The following CLNK variants were observed in gnomAD, a reference collection of about 807,000 sequenced individuals.
CLNK encodes cytokine-dependent hematopoietic cell linker.
In CLNK, 74 loss-of-function variants were observed where a neutral mutation model predicts 68.6. The observed-to-expected ratio is 1.08, with a 90% CI of 0.89 to 1.31. The LOEUF (loss-of-function observed/expected upper bound fraction) is 1.31, where lower values mean the gene tolerates loss of function less well. Ranked by LOEUF, CLNK falls within the 50% of genes most tolerant of loss-of-function variation. The pLI, the probability that CLNK is intolerant of heterozygous loss-of-function variation, is 0.00. For synonymous variants in CLNK, 198 were observed against 172.2 expected (o/e 1.15, Z -1.17); for missense variants, 553 against 515.3 (o/e 1.07, Z -0.71).
At chr4:10,607,543 T>C (rs899571554) in intron 2 of CLNK, among the ~76,000 whole-genome samples, 2 of 152,272 alleles carry the variant, frequency 1.3e-5, no homozygotes, top group African/African-American at 4.8e-5. Context: ...TGCCTTTGCA[T>C]GCCAGGAAAC....
chr4:10,509,819 C>T (rs764714986), intron 16 of CLNK, among the ~76,000 whole-genome samples: 2 of 152,140 alleles, frequency 1.3e-5, no homozygotes, highest in Admixed American at 1.3e-4. Context: ...AGTCACTGCA[C>T]CTGGCCAAAA....
chr4:10,681,772 G>T (rs1387894457), intron 1 of CLNK, among the ~76,000 whole-genome samples: 1 of 152,200 alleles, frequency 6.6e-6, no homozygotes, highest in African/African-American at 2.4e-5. Context: ...GGAGCACCAT[G>T]CCGAGAGCAG....
At chr4:10,716,001 T>C in the CLNK span, among the ~76,000 whole-genome samples, 3 of 152,212 alleles carry the variant, frequency 2.0e-5, no homozygotes, top group African/African-American at 7.2e-5. Flanking sequence ...CTCCGCTGTT[T>C]GAGAAGGTAG....
At chr4:10,668,245 C>T (rs1371923021) in intron 1 of CLNK, among the ~76,000 whole-genome samples, 1 of 152,186 alleles carries the variant, frequency 6.6e-6, no homozygotes, top group Non-Finnish European at 1.5e-5. Flanking sequence ...TTGGCTGGCT[C>T]TCCTCTGAGC....
chr4:10,732,897 G>T, the CLNK span, among the ~76,000 whole-genome samples: 2 of 152,106 alleles, frequency 1.3e-5, no homozygotes, highest in Non-Finnish European at 2.9e-5. Flanking sequence ...ATCCTAAAGA[G>T]AATAATATGA....
At chr4:10,525,355 G>T (rs771979905) in intron 14 of CLNK, among the ~76,000 whole-genome samples, 1 of 152,080 alleles carries the variant, frequency 6.6e-6, no homozygotes, top group Non-Finnish European at 1.5e-5. Flanking sequence ...GTGAGCCACC[G>T]CGCCCGGCCA....
chr4:10,710,600 T>C, the CLNK span, among the ~76,000 whole-genome samples: 2 of 152,218 alleles, frequency 1.3e-5, no homozygotes, highest in Non-Finnish European at 1.5e-5. Flanking sequence ...TGCCCCCATT[T>C]GACAGTGGAA....
At chr4:10,524,213 G>T (rs1718207729) in intron 14 of CLNK, among the ~76,000 whole-genome samples, 1 of 152,042 alleles carries the variant, frequency 6.6e-6, no homozygotes, top group Non-Finnish European at 1.5e-5. Context: ...ACATGTCCTA[G>T]TACCCACAGG....
the CLNK span, among the ~76,000 whole-genome samples, chr4:10,714,913 T>G: frequency 1.3e-5 from 2 of 152,174 alleles, no homozygotes; most frequent in South Asian, 2.1e-4. Flanking sequence ...TTTCTTTTTT[T>G]ATTCAGCATT....
At chr4:10,610,324 G>T (rs1486288538) in intron 2 of CLNK, among the ~76,000 whole-genome samples, 1 of 149,770 alleles carries the variant, frequency 6.7e-6, no homozygotes, top group African/African-American at 2.4e-5. Context: ...GATTACAGGC[G>T]TGAGCCACCG....
In CLNK at chr4:10,488,971, G is replaced by GT. The variant is rs1368309079; in HGVS notation, c.*1495dup. 6.6e-6 allele frequency: 1 copy of GT among 151,984 alleles called. No homozygotes were observed. The highest frequency in any genetic ancestry group is 1.9e-4 in the East Asian group (1 of 5,196). 9.4% of individuals were successfully genotyped at this position (151,984 alleles called of 1,614,324 possible). A position where few individuals can be genotyped will look rare whatever the true frequency, so the allele number is the denominator to read the frequency against. On this transcript the variant is annotated 3_prime_UTR_variant, in exon 19 of 19. Coordinates refer to ENST00000226951, the MANE Select transcript of CLNK (RefSeq NM_052964.4). ...TACTGTTATTTTCGACAGACAGTATGTTTTTTAAAAAAGCTTATTCCCACT... is the reference window on the plus strand; with the variant it reads ...TACTGTTATTTTCGACAGACAGTATGTTTTTTTAAAAAAGCTTATTCCCACT...
intron 2 of CLNK, among the ~76,000 whole-genome samples, chr4:10,632,106 G>A (rs890863378): frequency 2.0e-5 from 3 of 152,142 alleles, no homozygotes; most frequent in South Asian, 2.1e-4. Context: ...TATCCAAAAC[G>A]TAACTCTTAA....
At chr4:10,593,826 T>A (rs1721281557) in intron 3 of CLNK, among the ~76,000 whole-genome samples, 1 of 152,138 alleles carries the variant, frequency 6.6e-6, no homozygotes, top group Non-Finnish European at 1.5e-5. Context: ...CCATAGCCAA[T>A]GAGGTGACGA....
intron 2 of CLNK, among the ~76,000 whole-genome samples, chr4:10,614,667 G>A (rs1722158314): frequency 6.6e-6 from 1 of 152,232 alleles, no homozygotes; most frequent in African/African-American, 2.4e-5. Context: ...CACGGAATCT[G>A]TGTGCACATT....
chr4:10,558,549 G>C (rs945611209), intron 7 of CLNK, 97 bp from the exon 8 acceptor site: 80 of 1,150,706 alleles, frequency 7.0e-5, no homozygotes, highest in Non-Finnish European at 1.0e-4. Context: ...CAAGGATAAA[G>C]CCGTAAGTCC....
Position 10,563,919 on chromosome 4 carries a change from G to T in CLNK, c.399+752C>A, listed in dbSNP as rs140412342. 3.2e-3 allele frequency among the ~76,000 whole-genome samples: 476 copies of T among 148,470 alleles called. 4 individuals carry two copies. The highest frequency in any genetic ancestry group is 0.012 in the African/African-American group (450 of 38,136). ...AAAACTCCATCTCAAAAAAAGAAAA[G>T]AAAAGAAAAGAAAATACTGATAATG... is the stretch of plus-strand genomic sequence containing the variant. On this transcript the variant is annotated intron_variant, in intron 7 of 18. Coordinates refer to ENST00000226951, the MANE Select transcript of CLNK (RefSeq NM_052964.4).
the CLNK span, among the ~76,000 whole-genome samples, chr4:10,711,068 G>C: frequency 2.3e-4 from 35 of 152,298 alleles, no homozygotes; most frequent in African/African-American, 7.7e-4. Flanking sequence ...AAGGTGTGGT[G>C]GTTCCAGCTT....
intron 8 of CLNK, among the ~76,000 whole-genome samples, chr4:10,551,851 T>A (rs940345844): frequency 1.5e-3 from 223 of 149,934 alleles, no homozygotes; most frequent in African/African-American, 4.2e-3. Flanking sequence ...AATTGTAATT[T>A]TTTTTTTTTT....
intron 2 of CLNK, among the ~76,000 whole-genome samples, chr4:10,652,791 C>T (rs1307229742): frequency 6.6e-6 from 1 of 152,186 alleles, no homozygotes; most frequent in Non-Finnish European, 1.5e-5. Context: ...TTCTATAACA[C>T]TGCATGCAAT....
Sources: allele counts gnomAD v4.1 joint callset (sites outside exome capture counted in the v4.1 genomes callset), GRCh38; gene constraint gnomAD v4.1.1; transcripts MANE v1.5; gene names NCBI Gene and HGNC (gene_info 2026-07-23, HGNC 2026-07-21).